The following RPS6KC1 variants were observed in gnomAD, a reference collection of about 807,000 sequenced individuals.
RPS6KC1 encodes inactive ribosomal protein S6 kinase delta-1.
RPS6KC1 carries 54 observed loss-of-function variants against 103.8 expected under a neutral mutation model. The ratio of observed to expected loss-of-function variants is 0.52; its 90% CI spans 0.42 to 0.65. The LOEUF (loss-of-function observed/expected upper bound fraction) is 0.65. Among genes scored for constraint, RPS6KC1 ranks in the 30% least tolerant of loss-of-function variants. RPS6KC1 has a pLI of 0.00. For synonymous variants in RPS6KC1, 439 were observed against 438.7 expected, an observed-to-expected ratio of 1.00 and a Z score of -0.01; for missense variants, 1,151 against 1,253.8, an observed-to-expected ratio of 0.92 and a Z score of 1.24.
chr1:213,085,844 A>G (rs749977148), intron 3 of RPS6KC1, among the ~76,000 whole-genome samples: 52 of 152,072 alleles, frequency 3.4e-4, no homozygotes, highest in Non-Finnish European at 6.6e-4. Context: ...TTGATTCACA[A>G]ATTGTCCCAG....
At chr1:213,558,340 C>A in the RPS6KC1 span, among the ~76,000 whole-genome samples, 1 of 152,190 alleles carries the variant, frequency 6.6e-6, no homozygotes, top group Non-Finnish European at 1.5e-5. Flanking sequence ...GCTTGCGGCA[C>A]CTGCCTCTGG....
the RPS6KC1 span, among the ~76,000 whole-genome samples, chr1:213,335,494 T>C: frequency 1.3e-5 from 2 of 152,158 alleles, no homozygotes; most frequent in African/African-American, 4.8e-5. Flanking sequence ...GCTCCAGCCA[T>C]GAGGTCTGTA....
chr1:213,715,603 A>G, the RPS6KC1 span, among the ~76,000 whole-genome samples: 14 of 152,362 alleles, frequency 9.2e-5, no homozygotes, highest in Non-Finnish European at 1.6e-4. Context: ...GCTGTCTGAA[A>G]ATTCACAGAG....
At chr1:213,540,333 T>C in the RPS6KC1 span, among the ~76,000 whole-genome samples, 3 of 152,166 alleles carry the variant, frequency 2.0e-5, no homozygotes, top group Non-Finnish European at 2.9e-5. Flanking sequence ...GTCCAGACTA[T>C]GTGAGCAATA....
chr1:213,319,564 AG>A, the RPS6KC1 span, among the ~76,000 whole-genome samples: 11 of 152,322 alleles, frequency 7.2e-5, no homozygotes, highest in South Asian at 2.1e-3. Context: ...AATGCGTGAA[AG>A]CAAGAACACA....
chr1:213,152,630 T>A (rs2089320390), intron 6 of RPS6KC1, among the ~76,000 whole-genome samples: 2 of 137,450 alleles, frequency 1.5e-5, no homozygotes, highest in South Asian at 4.9e-4. Context: ...GCTCCCCACA[T>A]CTCAGACGAT....
chr1:213,281,449 C>T, the RPS6KC1 span, among the ~76,000 whole-genome samples: 1 of 152,258 alleles, frequency 6.6e-6, no homozygotes, highest in Non-Finnish European at 1.5e-5. Context: ...AAGCCTCTAT[C>T]AGGCAGGTAC....
chr1:213,805,934 A>G, the RPS6KC1 span, among the ~76,000 whole-genome samples: 1 of 152,264 alleles, frequency 6.6e-6, no homozygotes, highest in Non-Finnish European at 1.5e-5. Flanking sequence ...CTCCTTGTAC[A>G]TCTTCATCAG....
chr1:213,254,265 A>G (rs2094596417), intron 12 of RPS6KC1, among the ~76,000 whole-genome samples: 1 of 152,334 alleles, frequency 6.6e-6, no homozygotes, highest in East Asian at 1.9e-4. Flanking sequence ...CAGTTTGCAC[A>G]TGTTTGATGT....
At chr1:213,558,556 C>T in the RPS6KC1 span, among the ~76,000 whole-genome samples, 2 of 152,198 alleles carry the variant, frequency 1.3e-5, no homozygotes, top group African/African-American at 4.8e-5. Flanking sequence ...CTTTTCAGCC[C>T]TTTGAGTCTT....
the RPS6KC1 span, among the ~76,000 whole-genome samples, chr1:213,767,483 G>T: frequency 3.7e-3 from 566 of 152,200 alleles, 3 homozygotes; most frequent in Non-Finnish European, 6.2e-3. Flanking sequence ...CCAGGTCAAG[G>T]TCAGTACCTC....
the RPS6KC1 span, among the ~76,000 whole-genome samples, chr1:213,421,539 T>G: frequency 1.6e-3 from 243 of 152,366 alleles, 2 homozygotes; most frequent in African/African-American, 5.7e-3. Context: ...GAGAAAAACA[T>G]GGGTTTGACA....
At chr1:213,724,133 G>C in the RPS6KC1 span, among the ~76,000 whole-genome samples, 1 of 152,136 alleles carries the variant, frequency 6.6e-6, no homozygotes, top group African/African-American at 2.4e-5. Flanking sequence ...AGTCGCCCAG[G>C]CTGGAGTGCA....
At chr1:213,324,909 A>C in the RPS6KC1 span, among the ~76,000 whole-genome samples, 1 of 150,900 alleles carries the variant, frequency 6.6e-6, no homozygotes, top group East Asian at 2.0e-4. Context: ...CAGATATATG[A>C]GGGGAGGGCT....
At chr1:213,260,584 C>G (rs1195546494) in intron 12 of RPS6KC1, among the ~76,000 whole-genome samples, 1 of 151,680 alleles carries the variant, frequency 6.6e-6, no homozygotes, top group Non-Finnish European at 1.5e-5. Flanking sequence ...AAGTTCCAAC[C>G]TAACTACTTA....
At chr1:213,260,735 T>C (rs1573674630) in intron 12 of RPS6KC1, among the ~76,000 whole-genome samples, 1 of 121,734 alleles carries the variant, frequency 8.2e-6, no homozygotes, top group African/African-American at 3.3e-5. Context: ...AAGCACAAGA[T>C]AATGTAAGGG....
the RPS6KC1 span, among the ~76,000 whole-genome samples, chr1:213,509,412 G>A: frequency 3.9e-5 from 6 of 151,918 alleles, no homozygotes; most frequent in African/African-American, 9.7e-5. Flanking sequence ...TACTATAAGC[G>A]GAAATTCATT....
the RPS6KC1 span, among the ~76,000 whole-genome samples, chr1:213,363,617 GCTTGCTTGCTTTCTTTCTTT>G: frequency 5.9e-3 from 525 of 89,452 alleles, 7 homozygotes; most frequent in South Asian, 0.016. Flanking sequence ...TTGCTTGCTT[GCTTGCTTGCTTTCTTTCTTT>G]CTTTCTTTCT....
intron 6 of RPS6KC1, among the ~76,000 whole-genome samples, chr1:213,154,608 G>A (rs1201130054): frequency 6.6e-6 from 1 of 152,204 alleles, no homozygotes; most frequent in African/African-American, 2.4e-5. Flanking sequence ...AACTCAGCTT[G>A]TTGTAAATGC....
Sources: gnomAD v4.1 joint callset for allele counts (sites outside exome capture counted in the v4.1 genomes callset) on GRCh38, gnomAD v4.1.1 for gene constraint, MANE v1.5 for transcripts, NCBI Gene and HGNC (gene_info 2026-07-23, HGNC 2026-07-21) for gene names.